PRKN: variants seen among roughly 807,000 people sequenced by gnomAD.
PRKN encodes the protein E3 ubiquitin-protein ligase parkin.
Under a neutral mutation model 59.5 loss-of-function variants are expected in PRKN, and 56 were observed. The observed-to-expected ratio is 0.94, with a 90% confidence interval of 0.76 to 1.18. The LOEUF is 1.18. Among genes scored for constraint, PRKN ranks in the 50% most tolerant of loss-of-function variants. PRKN has a pLI of 0.00. For synonymous variants in PRKN, 250 were observed against 222.1 expected (o/e 1.13, Z -1.12); for missense variants, 657 against 596.4 (o/e 1.10, Z -1.06).
chr6:161,773,370 C>T (rs1789776387), intron 7 of PRKN, among the ~76,000 whole-genome samples: 1 of 152,178 alleles, frequency 6.6e-6, no homozygotes, highest in African/African-American at 2.4e-5. Flanking sequence ...AGAATGCATA[C>T]ATTCAAAAAT....
rs969940083 is a variant in PRKN at position 161,463,941 on chromosome 6, T to C, written c.1084-77064A>G. Among the ~76,000 whole-genome samples, 10 of 152,146 alleles carry C rather than the reference T, an allele frequency of 6.6e-5. No homozygotes were observed. The highest frequency in any genetic ancestry group is 1.4e-4 in the African/African-American group (6 of 41,428). On this transcript the variant is annotated intron_variant, in intron 9 of 11. Transcript: ENST00000366898. The surrounding 1 kb of genome is among the most constrained non-coding windows in gnomAD (Gnocchi z 4.8). The stretch of plus-strand genomic sequence containing the variant: ...GTAGACATCAACATACAGAGACCTT[T>C]AGGGTTTTTTTTGTTTTTGTTTTTG...
chr6:161,514,187 G>C (rs1318854166), intron 9 of PRKN, among the ~76,000 whole-genome samples: 1 of 151,950 alleles, frequency 6.6e-6, no homozygotes, highest in African/African-American at 2.4e-5. Flanking sequence ...GGAGTAGAGA[G>C]AGTGGAAAAA....
chr6:162,197,883 C>A (rs372009608), intron 4 of PRKN, among the ~76,000 whole-genome samples: 1 of 152,260 alleles, frequency 6.6e-6, no homozygotes, highest in East Asian at 1.9e-4. Flanking sequence ...TGATTCGTGT[C>A]TTTCTATGGA....
At chr6:162,148,099 T>A (rs1048009951) in intron 4 of PRKN, among the ~76,000 whole-genome samples, 1 of 152,172 alleles carries the variant, frequency 6.6e-6, no homozygotes, top group African/African-American at 2.4e-5. Context: ...CTGCTTAACA[T>A]AATCCAGTTG....
intron 2 of PRKN, among the ~76,000 whole-genome samples, chr6:162,434,501 C>A (rs1789682514): frequency 6.6e-6 from 1 of 151,890 alleles, no homozygotes; most frequent in Non-Finnish European, 1.5e-5. Flanking sequence ...CAATATTAAA[C>A]CTAATATTTG....
At chr6:162,115,384 T>C (rs978707572) in intron 4 of PRKN, among the ~76,000 whole-genome samples, 1 of 151,900 alleles carries the variant, frequency 6.6e-6, no homozygotes, top group Admixed American at 6.6e-5. Context: ...CTGGGAAATA[T>C]ACCTAATGCT....
intron 7 of PRKN, among the ~76,000 whole-genome samples, chr6:161,734,656 T>C (rs1390135971): frequency 1.3e-5 from 2 of 152,192 alleles, no homozygotes; most frequent in African/African-American, 2.4e-5. Context: ...TTTCTTGGCA[T>C]AGGTGAGTTT....
intron 8 of PRKN, among the ~76,000 whole-genome samples, chr6:161,567,267 C>T (rs1052880009): frequency 2.0e-4 from 31 of 152,154 alleles, no homozygotes; most frequent in South Asian, 1.7e-3. Flanking sequence ...AGGCTGGTCT[C>T]GAACTTCTGG....
intron 6 of PRKN, among the ~76,000 whole-genome samples, chr6:161,824,660 T>C (rs1215787943): frequency 6.6e-6 from 1 of 152,228 alleles, no homozygotes; most frequent in Non-Finnish European, 1.5e-5. Context: ...GCAAGTGCTA[T>C]ATTCCAGTGA....
chr6:162,626,998 C>T (rs895900391), intron 1 of PRKN, among the ~76,000 whole-genome samples: 4 of 152,096 alleles, frequency 2.6e-5, no homozygotes, highest in African/African-American at 4.8e-5. Flanking sequence ...ATGTTTTAAA[C>T]GTAGTATGTC....
At chr6:161,988,206 T>G (rs1228845803) in intron 5 of PRKN, among the ~76,000 whole-genome samples, 1 of 151,862 alleles carries the variant, frequency 6.6e-6, no homozygotes, top group African/African-American at 2.4e-5. Flanking sequence ...CTAAAGAAAA[T>G]TCTTCAGGGC....
chr6:161,384,284 T>G (rs1227211439), intron 10 of PRKN, among the ~76,000 whole-genome samples: 2 of 152,198 alleles, frequency 1.3e-5, no homozygotes, highest in Non-Finnish European at 2.9e-5. Context: ...TGGGGCGCAG[T>G]GGCTCACGCC....
intron 3 of PRKN, among the ~76,000 whole-genome samples, chr6:162,210,238 C>T (rs969158374): frequency 6.6e-6 from 1 of 152,178 alleles, no homozygotes; most frequent in Non-Finnish European, 1.5e-5. Context: ...CTCTCATCTG[C>T]AATTATATGT....
At chr6:161,956,233 C>G (rs1052908317) in intron 6 of PRKN, among the ~76,000 whole-genome samples, 26 of 152,164 alleles carry the variant, frequency 1.7e-4, no homozygotes, top group African/African-American at 5.8e-4. Flanking sequence ...CATTCTTTCT[C>G]CAGGGCCTGT....
intron 1 of PRKN, among the ~76,000 whole-genome samples, chr6:162,521,984 T>A (rs1316100051): frequency 6.6e-6 from 1 of 152,222 alleles, no homozygotes. Context: ...AAACACTTAG[T>A]GAGATTACTT....
intron 1 of PRKN, among the ~76,000 whole-genome samples, chr6:162,673,950 ATCAATGACTTT>A (rs1779437630): frequency 6.6e-6 from 1 of 152,138 alleles, no homozygotes; most frequent in South Asian, 2.1e-4. Flanking sequence ...CTCTGGAGAA[ATCAATGACTTT>A]TTCTGGGCCT....
intron 5 of PRKN, among the ~76,000 whole-genome samples, chr6:162,014,107 C>G (rs1440493968): frequency 6.6e-6 from 1 of 152,158 alleles, no homozygotes; most frequent in East Asian, 1.9e-4. Flanking sequence ...AGTTCCTACT[C>G]ACCCCCCATC....
At chr6:161,606,489 C>T (rs1782287942) in intron 7 of PRKN, among the ~76,000 whole-genome samples, 1 of 152,172 alleles carries the variant, frequency 6.6e-6, no homozygotes, top group African/African-American at 2.4e-5. Flanking sequence ...GTGTTTAAAT[C>T]TCCTACTTCC....
At chr6:162,475,452 A>ATTT (rs1226759392) in intron 1 of PRKN, among the ~76,000 whole-genome samples, 5 of 149,854 alleles carry the variant, frequency 3.3e-5, no homozygotes, top group African/African-American at 1.2e-4. Context: ...AGGAGGAACA[A>ATTT]ATAAACAGCA....
Sources: gnomAD v4.1 joint callset for allele counts (sites outside exome capture counted in the v4.1 genomes callset) on GRCh38, gnomAD v4.1.1 for gene constraint, Gnocchi (gnomAD v3.1) non-coding constraint, MANE v1.5 for transcripts, NCBI Gene and HGNC (gene_info 2026-07-23, HGNC 2026-07-21) for gene names.